REXO2: variants seen among roughly 807,000 people sequenced by gnomAD.
The protein encoded by REXO2 is oligoribonuclease, mitochondrial.
A neutral mutation model predicts 30.9 loss-of-function variants in REXO2; 17 were observed. The observed-to-expected ratio is 0.55, with a 90% CI of 0.38 to 0.82. The LOEUF is 0.82. Among genes scored for constraint, REXO2 ranks in the 40% least tolerant of loss-of-function variants. REXO2 has a pLI of 0.00. For synonymous variants in REXO2, 105 were observed against 99.6 expected, an observed-to-expected ratio of 1.05 and a Z score of -0.32; for missense variants, 253 against 293.2, an observed-to-expected ratio of 0.86 and a Z score of 1.00.
chr11:114,449,739 C>A (rs1455746297), intron 6 of REXO2, 107 bp from the exon 7 acceptor site: 6 of 1,064,496 alleles, frequency 5.6e-6, no homozygotes, highest in Non-Finnish European at 8.2e-6. Context: ...GTGACACTTA[C>A]AGTAACATCC....
At chr11:114,440,547 T>C (rs756676125) in intron 1 of REXO2, 109 bp from the exon 2 acceptor site, 36 of 789,488 alleles carry the variant, frequency 4.6e-5, no homozygotes, top group Non-Finnish European at 6.9e-5. Context: ...CTGTTTCGGC[T>C]ATGGATTACA....
chr11:114,447,697 C>A, intron 5 of REXO2, 129 bp from the exon 6 acceptor site: 1 of 677,188 alleles, frequency 1.5e-6, no homozygotes, highest in Non-Finnish European at 2.4e-6. Flanking sequence ...ATAGAGGCCC[C>A]GGCAAAGAAG....
intron 6 of REXO2, among the ~76,000 whole-genome samples, chr11:114,449,443 A>ATATG (rs33971625): frequency 7.4e-5 from 2 of 27,200 alleles, no homozygotes; most frequent in African/African-American, 1.4e-3. Flanking sequence ...AAATTAATAA[A>ATATG]TTAGAAATAT....
At chr11:114,440,273 CAGT>C in intron 1 of REXO2, 1 of 385,724 alleles carries the variant, frequency 2.6e-6, no homozygotes, top group South Asian at 2.0e-5. Context: ...AGGATAATAA[CAGT>C]AGTTTTTCCA....
At chr11:114,444,732 G>C in intron 4 of REXO2, 80 bp downstream of exon 4, 1 of 834,422 alleles carries the variant, frequency 1.2e-6, no homozygotes. Flanking sequence ...AAGACTAGCC[G>C]AGCCCATCCA....
chr11:114,446,243 C>T, intron 5 of REXO2, 156 bp downstream of exon 5: 2 of 441,886 alleles, frequency 4.5e-6, no homozygotes, highest in Non-Finnish European at 8.0e-6. Context: ...CCTTAACTTA[C>T]CCTGGACTGG....
intron 4 of REXO2, 124 bp downstream of exon 4, chr11:114,444,776 T>C (rs903394981): frequency 1.5e-5 from 7 of 470,244 alleles, no homozygotes; most frequent in Non-Finnish European, 2.5e-5. Flanking sequence ...GGGTTACACA[T>C]CTTAACTTTT....
intron 6 of REXO2, among the ~76,000 whole-genome samples, chr11:114,449,596 C>G (rs1946532649): frequency 6.6e-6 from 1 of 151,944 alleles, no homozygotes; most frequent in East Asian, 1.9e-4. Context: ...GAACATGTCG[C>G]CATCTTTTGG....
Position 114,450,054 on chromosome 11 carries a change from G to A in REXO2, c.*79G>A. On this transcript the variant is annotated 3_prime_UTR_variant, in exon 7 of 7. Transcript: ENST00000265881. ...TTTTTTTTCTCACGCTGATGGCTTG[G>A]CAGAGCACCTTCGGTTAACTTGCAT... The A allele has an allele frequency of 6.9e-7, 1 of 1,442,420 alleles. No individual in the cohort carries two copies. The highest frequency in any genetic ancestry group is 1.3e-5 in the South Asian group (1 of 75,314). The allele number at this position is 1,442,420 out of a possible 1,614,324, so 89.4% of individuals were successfully genotyped here. A position where few individuals can be genotyped will look rare whatever the true frequency, so the allele number is the denominator to read the frequency against.
intron 6 of REXO2, among the ~76,000 whole-genome samples, chr11:114,449,598 A>G (rs1347550381): frequency 6.6e-6 from 1 of 152,098 alleles, no homozygotes; most frequent in African/African-American, 2.4e-5. Flanking sequence ...ACATGTCGCC[A>G]TCTTTTGGAA....
At chr11:114,442,143 A>G (rs761355865) in intron 2 of REXO2, among the ~76,000 whole-genome samples, 5 of 150,912 alleles carry the variant, frequency 3.3e-5, no homozygotes, top group Non-Finnish European at 7.4e-5. Context: ...ACTAAGTCAG[A>G]TGAGGATAAA....
intron 5 of REXO2, among the ~76,000 whole-genome samples, chr11:114,446,986 G>A (rs1299952485): frequency 3.4e-5 from 5 of 147,318 alleles, no homozygotes; most frequent in Non-Finnish European, 6.0e-5. Flanking sequence ...TCGCCCAGGC[G>A]GGAGTGCTGT....
intron 2 of REXO2, 192 bp downstream of exon 2, chr11:114,440,931 T>G (rs1591210247): frequency 2.3e-6 from 1 of 438,080 alleles, no homozygotes; most frequent in Admixed American, 4.1e-5. Flanking sequence ...AAATTAAAAA[T>G]TAAACATTAT....
At chr11:114,443,796 C>A in intron 2 of REXO2, 60 bp from the exon 3 acceptor site, 3 of 1,260,590 alleles carry the variant, frequency 2.4e-6, no homozygotes, top group East Asian at 2.4e-5. Context: ...TAAGCTTTCC[C>A]TCTGAAAGTA....
Position 114,449,859 on chromosome 11 carries a change from A to G in REXO2, c.598A>G (p.Ile200Val). 1 of 1,610,112 alleles carries G rather than the reference A, an allele frequency of 6.2e-7. No individual in the cohort carries two copies. Among genetic ancestry groups the G allele is most frequent in the Non-Finnish European group, 8.5e-7 (1 of 1,178,018 alleles). Residue 200 changes from isoleucine to valine, a missense_variant, in exon 7 of 7, where the codon ATT becomes GTT. By Grantham distance (29) the Ile-to-Val change is conservative. Coordinates refer to ENST00000265881, the MANE Select transcript of REXO2 (RefSeq NM_015523.4). ...KAASHRALDDISESIKELQFY... is the reference protein window; with the variant it reads ...KAASHRALDDVSESIKELQFY... ...GTTTGCTTATAGGGCACTTGATGACATTAGTGAAAGCATCAAAGAGCTTCA... is the reference window on the plus strand; with the variant it reads ...GTTTGCTTATAGGGCACTTGATGACGTTAGTGAAAGCATCAAAGAGCTTCA...
chr11:114,445,761 T>G, intron 4 of REXO2: 1 of 450,878 alleles, frequency 2.2e-6, no homozygotes, highest in East Asian at 3.8e-5. Flanking sequence ...AGAGGTCATT[T>G]ACAAATTTAT....
In REXO2 at chr11:114,443,946, A is replaced by C; in HGVS notation, c.309+13A>C. ...GCATCACGGGAAGGTAACATTACCA[A>C]ATAACAGGATTGCTGCTTTGGGGAT... On this transcript the variant is annotated intron_variant, in intron 3 of 6. Transcript: ENST00000265881. The C allele has an allele frequency of 6.3e-7, 1 of 1,588,284 alleles. No homozygotes were observed. The highest frequency in any genetic ancestry group is 8.6e-7 in the Non-Finnish European group (1 of 1,162,000).
Position 114,444,591 on chromosome 11 carries a change from A to G in REXO2, c.360A>G (p.Ala120=), listed in dbSNP as rs770545503. The stretch of plus-strand genomic sequence containing the variant: ...AGAGTACAATTACATTGCAGCAGGC[A>G]GAGTATGAATTTCTGTCCTTTGTAC... ...VKESTITLQQ[A]EYEFLSFVRQ... The change falls in exon 4 of 7, where the codon GCA becomes GCG. Residue 120 remains alanine, a synonymous_variant. Transcript: ENST00000265881. 129 of 1,612,170 alleles carry G rather than the reference A, an allele frequency of 8.0e-5. No homozygotes were observed. The highest frequency in any genetic ancestry group is 9.4e-5 in the Non-Finnish European group (111 of 1,179,454).
rs1946535002 is a variant in REXO2, at chr11:114,449,947, A to T, written c.686A>T (p.Asn229Ile). ...IDEKKRKIIE[N>I]GENEKTVS Reference sequence around the variant, plus strand: ...GAAAAGAAGAGGAAAATTATAGAAAATGGGGAAAATGAGAAGACCGTGAGT... The same window carrying T: ...GAAAAGAAGAGGAAAATTATAGAAATTGGGGAAAATGAGAAGACCGTGAGT... The change falls in exon 7 of 7, where the codon AAT (asparagine) becomes ATT (isoleucine). Residue 229 changes from asparagine to isoleucine, a missense_variant. Physicochemically the swap from Asn to Ile is moderately radical, Grantham distance 149. Coordinates refer to ENST00000265881, the MANE Select transcript of REXO2 (RefSeq NM_015523.4). 1 of 1,607,674 alleles carries T rather than the reference A, an allele frequency of 6.2e-7. No homozygotes were observed. Among genetic ancestry groups the T allele is most frequent in the Non-Finnish European group, 8.5e-7 (1 of 1,176,660 alleles).
Sources: allele counts gnomAD v4.1 joint callset (sites outside exome capture counted in the v4.1 genomes callset), GRCh38; gene constraint gnomAD v4.1.1; transcripts MANE v1.5; gene names NCBI Gene and HGNC (gene_info 2026-07-23, HGNC 2026-07-21).